Variants in GREB1 observed in about 807,000 individuals in gnomAD.
The protein encoded by GREB1 is protein GREB1.
In GREB1, 106 loss-of-function variants were observed where a neutral mutation model predicts 200.7. The observed-to-expected ratio is 0.53, with a 90% confidence interval of 0.45 to 0.62. The LOEUF is 0.62. GREB1 is among the 20% of genes least tolerant of loss of function. GREB1 has a pLI of 0.00. For synonymous variants in GREB1, 1,132 were observed against 1,092.4 expected, an observed-to-expected ratio of 1.04 and a Z score of -0.72; for missense variants, 2,243 against 2,556.8, an observed-to-expected ratio of 0.88 and a Z score of 2.65.
At chr2:11,565,467 G>T (rs570716726) in intron 3 of GREB1, among the ~76,000 whole-genome samples, 2 of 152,170 alleles carry the variant, frequency 1.3e-5, no homozygotes, top group Admixed American at 1.3e-4. Context: ...GCCTTGGCTC[G>T]TCAGGACTCC....
At chr2:11,508,941 C>G (rs1673264903) in intron 1 of GREB1, among the ~76,000 whole-genome samples, 1 of 146,634 alleles carries the variant, frequency 6.8e-6, no homozygotes, top group Non-Finnish European at 1.5e-5. Context: ...GTGGCGCGAT[C>G]TCGGCTCACT....
Position 11,634,313 on chromosome 2 carries a change from T to C in GREB1, c.5174T>C (p.Val1725Ala). Residue 1725 changes from valine to alanine, a missense_variant, in exon 29 of 33, where the codon GTG becomes GCG. This residue lies in a region of GREB1 where 478 missense variants were observed against 616.3 expected (regional missense o/e 0.78). Coordinates refer to ENST00000381486, the MANE Select transcript of GREB1 (RefSeq NM_014668.4). ...GTGCACAACTTCATCATCCTGAACG[T>C]GGACCTGACCCAGAACGTGCAGTAC... is the stretch of plus-strand genomic sequence containing the variant. ...CHVHNFIILN[V>A]DLTQNVQYNQ... The C allele has an allele frequency of 6.2e-7, 1 of 1,614,126 alleles. No individual in the cohort carries two copies. The highest frequency in any genetic ancestry group is 8.5e-7 in the Non-Finnish European group (1 of 1,180,010).
At chr2:11,586,622 C>T (rs1213274089) in intron 9 of GREB1, among the ~76,000 whole-genome samples, 2 of 152,188 alleles carry the variant, frequency 1.3e-5, no homozygotes, top group Non-Finnish European at 2.9e-5. Flanking sequence ...ACACACACAC[C>T]GTGCACGCAG....
chr2:11,608,393 T>TCC (rs200309837), intron 17 of GREB1, among the ~76,000 whole-genome samples: 3 of 152,100 alleles, frequency 2.0e-5, no homozygotes, highest in African/African-American at 7.2e-5. Flanking sequence ...ATCAATTGGT[T>TCC]CCCCCCCTTT....
intron 5 of GREB1, among the ~76,000 whole-genome samples, chr2:11,577,921 C>T (rs895433394): frequency 2.6e-5 from 4 of 152,210 alleles, no homozygotes. Context: ...CCTCACTGGC[C>T]GCTGGGGATG....
At chr2:11,498,776 A>G (rs1672953916) in intron 1 of GREB1, among the ~76,000 whole-genome samples, 1 of 152,206 alleles carries the variant, frequency 6.6e-6, no homozygotes, top group African/African-American at 2.4e-5. Context: ...AGGCACGGGC[A>G]TGACTGGGCT....
Position 11,615,020 on chromosome 2 carries a change from C to T in GREB1, c.3123-71C>T, listed in dbSNP as rs1298994796. The T allele has an allele frequency of 2.5e-6, 3 of 1,182,124 alleles. No homozygotes were observed. In the African/African-American group the frequency reaches 4.5e-5, roughly 18 times the overall value. The allele number at this position is 1,182,124 out of a possible 1,614,324, so 73.2% of individuals were successfully genotyped here. On this transcript the variant is annotated intron_variant, in intron 19 of 32. Coordinates refer to ENST00000381486, the MANE Select transcript of GREB1 (RefSeq NM_014668.4). ...TGGGGTGTGGTCCCGATCAGTGCTGCCTGCCGCAGTGGGAACAGCACTCCA... is the reference window on the plus strand; with the variant it reads ...TGGGGTGTGGTCCCGATCAGTGCTGTCTGCCGCAGTGGGAACAGCACTCCA...
chr2:11,612,513 G>A lies in GREB1; in HGVS notation c.3025G>A (p.Asp1009Asn). The A allele has an allele frequency of 6.2e-7, 1 of 1,611,102 alleles. No individual in the cohort carries two copies. ...TCTGCAGATGTGGCAGAAAATTGAG[G>A]ATGTGGAGTGGAGACCCCAGACTTA... Reference protein sequence around the residue: ...KQLRMWQKIEDVEWRPQTYLE... With the variant: ...KQLRMWQKIENVEWRPQTYLE... Residue 1009 changes from aspartate to asparagine, a missense_variant, in exon 19 of 33, where the codon GAT becomes AAT. Asp to Asn is a conservative substitution (Grantham distance 23, BLOSUM62 1). Coordinates refer to ENST00000381486, the MANE Select transcript of GREB1 (RefSeq NM_014668.4).
chr2:11,557,671 C>G (rs887008933), intron 2 of GREB1, among the ~76,000 whole-genome samples: 1 of 152,160 alleles, frequency 6.6e-6, no homozygotes, highest in African/African-American at 2.4e-5. Context: ...CTGATAGTTG[C>G]TTATTCTAGC....
intron 10 of GREB1, among the ~76,000 whole-genome samples, chr2:11,591,124 T>C (rs1680686874): frequency 6.6e-6 from 1 of 152,198 alleles, no homozygotes; most frequent in African/African-American, 2.4e-5. Context: ...AAAGGAAAGT[T>C]TTTAAAGATG....
chr2:11,569,040 G>A (rs899188508), intron 4 of GREB1, among the ~76,000 whole-genome samples: 1 of 152,148 alleles, frequency 6.6e-6, no homozygotes, highest in Admixed American at 6.5e-5. Flanking sequence ...CTTGAGGGAA[G>A]CAGCAGTATT....
Position 11,559,032 on chromosome 2 carries a change from T to G in GREB1, c.157+2261T>G, listed in dbSNP as rs1315333620. On this transcript the variant is annotated intron_variant, in intron 2 of 32. Transcript: ENST00000381486. ...TCCAGCATTTTGGGATAAGTATTTA[T>G]TCATTAAACAGGATGTAGGTAAAAT... is the stretch of plus-strand genomic sequence containing the variant. Among the ~76,000 whole-genome samples the G allele has an allele frequency of 3.9e-5, 6 of 152,340 alleles. No individual in the cohort carries two copies. The East Asian group carries it at 1.2e-3, about 29-fold the overall frequency.
Position 11,552,996 on chromosome 2 carries a change from C to T in GREB1, c.-161-3458C>T, listed in dbSNP as rs1234691894. On this transcript the variant is annotated intron_variant, in intron 1 of 32. Coordinates refer to ENST00000381486, the MANE Select transcript of GREB1 (RefSeq NM_014668.4). ...CTGCACTCCAGCCTGGGCGACAGAG[C>T]GAAACTCCGTCTCAAAAAAAAAAAA... Among the ~76,000 whole-genome samples, 19 of 117,064 alleles carry T rather than the reference C, an allele frequency of 1.6e-4. No homozygotes were observed. In the East Asian group the frequency reaches 3.7e-3, roughly 23 times the overall value. The allele number at this position is 117,064 out of a possible 152,430, so 76.8% of individuals were successfully genotyped here.
Position 11,587,496 on chromosome 2 carries a change from C to A in GREB1, c.1160-1250C>A, listed in dbSNP as rs372901645. On this transcript the variant is annotated intron_variant, in intron 9 of 32. Transcript: ENST00000381486. ...CCCATCCTGGAATCAGAATCAGGCC[C>A]CACTTCTGCATCAGAAGCCCTGGGT... is the stretch of plus-strand genomic sequence containing the variant. 2.4e-5 allele frequency: 38 copies of A among 1,601,044 alleles called. No homozygotes were observed. In the African/African-American group the frequency reaches 4.4e-4, roughly 19 times the overall value.
intron 2 of GREB1, among the ~76,000 whole-genome samples, chr2:11,559,613 T>G (rs1406466107): frequency 6.6e-6 from 1 of 152,182 alleles, no homozygotes; most frequent in Non-Finnish European, 1.5e-5. Context: ...CACTGATAGT[T>G]GGCATCTGTG....
intron 1 of GREB1, among the ~76,000 whole-genome samples, chr2:11,524,121 A>G (rs893698968): frequency 2.8e-4 from 43 of 152,212 alleles, no homozygotes; most frequent in African/African-American, 1.0e-3. Context: ...ACTCCTTGTA[A>G]TGAAATTATT....
intron 1 of GREB1, among the ~76,000 whole-genome samples, chr2:11,500,102 C>G (rs1324725180): frequency 6.6e-6 from 1 of 152,270 alleles, no homozygotes; most frequent in South Asian, 2.1e-4. Context: ...CTGCTTCAGC[C>G]TCCTGAGTAG....
intron 1 of GREB1, among the ~76,000 whole-genome samples, chr2:11,520,707 C>T (rs146098411): frequency 1.3e-5 from 2 of 152,274 alleles, no homozygotes; most frequent in East Asian, 3.9e-4. Context: ...TTAGATTGTG[C>T]TCCCCAGGTA....
chr2:11,544,508 GC>G (rs1268951680), intron 1 of GREB1, among the ~76,000 whole-genome samples: 2 of 152,036 alleles, frequency 1.3e-5, no homozygotes, highest in African/African-American at 4.8e-5. Flanking sequence ...GAGCCACTGC[GC>G]CCGGCCGAGC....
Sources: gnomAD v4.1 joint callset for allele counts (sites outside exome capture counted in the v4.1 genomes callset) on GRCh38, gnomAD v4.1.1 for gene constraint, gnomAD v4.1.1 regional missense constraint, MANE v1.5 for transcripts, NCBI Gene and HGNC (gene_info 2026-07-23, HGNC 2026-07-21) for gene names.